Variants in CHFR observed in about 807,000 individuals in gnomAD.
CHFR encodes checkpoint with forkhead and ring finger domains, also known as E3 ubiquitin-protein ligase CHFR.
In CHFR, 57 loss-of-function variants were observed where a neutral mutation model predicts 87.6. The ratio of observed to expected loss-of-function variants is 0.65; its 90% CI spans 0.53 to 0.81. The LOEUF (loss-of-function observed/expected upper bound fraction) is 0.81, where lower values mean the gene tolerates loss of function less well. CHFR is among the 30% of genes least tolerant of loss of function. The pLI is 0.00. For synonymous variants in CHFR, 381 were observed against 359.2 expected (o/e 1.06, Z -0.69); for missense variants, 797 against 865.8 (o/e 0.92, Z 1.00).
rs190044764 is a variant in CHFR at position 132,836,740 on chromosome 12, G to C, written c.*4814C>G. The C allele has an allele frequency of 8.8e-6, 4 of 455,976 alleles. No individual in the cohort carries two copies. Among genetic ancestry groups the C allele is most frequent in the African/African-American group, 8.0e-5 (4 of 50,076 alleles). 28.2% of individuals were successfully genotyped at this position (455,976 alleles called of 1,614,324 possible). On this transcript the variant is annotated 3_prime_UTR_variant, in exon 18 of 18. Transcript: ENST00000450056. The stretch of plus-strand genomic sequence containing the variant: ...AAGGAGACAACCGTGAAAAGTGAGC[G>C]ACAGAGGAAGGGGCGCCTGTTTGTG...
At chr12:132,866,367 A>G (rs1951336603) in intron 6 of CHFR, 1 of 152,202 alleles carries the variant, frequency 6.6e-6, no homozygotes, top group Non-Finnish European at 1.5e-5. Flanking sequence ...GTTACAACAC[A>G]CCAACACACC....
rs187999239 is a variant in CHFR at position 132,853,371 on chromosome 12, C to T, written c.1372+60G>A. 1.1e-4 allele frequency: 154 copies of T among 1,420,266 alleles called. 2 individuals are homozygous for T. Among genetic ancestry groups the T allele is most frequent in the South Asian group, 1.0e-3 (66 of 63,756 alleles). The allele number at this position is 1,420,266 out of a possible 1,614,324, so 88.0% of individuals were successfully genotyped here. On this transcript the variant is annotated intron_variant, in intron 11 of 17. Transcript: ENST00000450056. ...GAGCGCGGCCACGTGCACGTCAGCA[C>T]CGGGCACAGCCACAAAGTGACTCAC...
intron 11 of CHFR, among the ~76,000 whole-genome samples, chr12:132,852,430 G>A (rs187057600): frequency 4.2e-5 from 6 of 141,878 alleles, no homozygotes; most frequent in Admixed American, 1.5e-4. Context: ...GGACAGCCAC[G>A]GTGCACAAGA....
At position 132,861,460 on chromosome 12, in the gene CHFR, C is replaced by T. The variant is rs2136982418; in HGVS notation, c.751+7G>A. ...AGGACTGAGGACACACACAACCAGA[C>T]ACTAACCTCCTCTCATTTTCTTCTT... On this transcript the variant is annotated splice_region_variant and intron_variant, in intron 7 of 17. Transcript: ENST00000450056. The T allele has an allele frequency of 6.2e-7, 1 of 1,613,882 alleles. No homozygotes were observed. Among genetic ancestry groups the T allele is most frequent in the South Asian group, 1.1e-5 (1 of 91,060 alleles).
intron 15 of CHFR, among the ~76,000 whole-genome samples, chr12:132,845,411 T>A (rs959502647): frequency 6.6e-6 from 1 of 151,868 alleles, no homozygotes; most frequent in Non-Finnish European, 1.5e-5. Flanking sequence ...GGAGCTGAGA[T>A]TGTGCCATTG....
chr12:132,837,107 G>C lies in CHFR; in HGVS notation c.*4447C>G, dbSNP rs1284480318. ...TGTGAGAATTAGCTGGTTCGGTGGA[G>C]AAGCAGAGGAACACCTGAGGGGCTC... On this transcript the variant is annotated 3_prime_UTR_variant, in exon 18 of 18. Transcript: ENST00000450056. 2 of 312,616 alleles carry C rather than the reference G, an allele frequency of 6.4e-6. No individual in the cohort carries two copies. The highest frequency in any genetic ancestry group is 4.4e-5 in the African/African-American group (2 of 45,300). The allele number at this position is 312,616 out of a possible 1,614,324, so 19.4% of individuals were successfully genotyped here.
At chr12:132,846,711 T>C (rs1475224907) in intron 15 of CHFR, among the ~76,000 whole-genome samples, 2 of 152,072 alleles carry the variant, frequency 1.3e-5, no homozygotes, top group Non-Finnish European at 2.9e-5. Context: ...GGAAACCCCA[T>C]CTTTACTAAA....
At chr12:132,876,193 A>G (rs1005163520) in intron 3 of CHFR, among the ~76,000 whole-genome samples, 1 of 152,154 alleles carries the variant, frequency 6.6e-6, no homozygotes, top group Admixed American at 6.6e-5. Flanking sequence ...AAAGAAAGAA[A>G]GAAAAAAGCT....
At position 132,859,112 on chromosome 12, in the gene CHFR, C is replaced by T. The variant is rs775799321; in HGVS notation, c.867G>A (p.Thr289=). The T allele has an allele frequency of 5.0e-6, 8 of 1,614,072 alleles. No homozygotes were observed. The highest frequency in any genetic ancestry group is 1.1e-5 in the South Asian group (1 of 91,062). Residue 289 remains threonine (T), a synonymous_variant, in exon 8 of 18, where the codon ACG becomes ACA. Coordinates refer to ENST00000450056, the MANE Select transcript of CHFR (RefSeq NM_001161346.2). ...GGTCCTGGCAGATGATGCATGTCAG[C>T]GTCTCCTCCATCTTGTCTGGCTTCC... ...AAGKPDKMEE[T]LTCIICQDLL...
chr12:132,881,488 CA>C (rs1298566736), intron 2 of CHFR, among the ~76,000 whole-genome samples: 3 of 152,098 alleles, frequency 2.0e-5, no homozygotes, highest in South Asian at 2.1e-4. Flanking sequence ...AAGCACATGA[CA>C]AAATGCTCAA....
At chr12:132,864,405 A>T (rs910377219) in intron 6 of CHFR, among the ~76,000 whole-genome samples, 17 of 152,378 alleles carry the variant, frequency 1.1e-4, no homozygotes, top group Middle Eastern at 3.4e-3. Context: ...CACATTTAGT[A>T]GCTGCTCAAT....
chr12:132,847,086 G>C lies in CHFR; in HGVS notation c.1692C>G (p.Thr564=), dbSNP rs749821203. 2 of 1,613,664 alleles carry C rather than the reference G, an allele frequency of 1.2e-6. No homozygotes were observed. Among genetic ancestry groups the C allele is most frequent in the Non-Finnish European group, 8.5e-7 (1 of 1,179,834 alleles). The change falls in exon 15 of 18, where the codon ACC becomes ACG. Residue 564 remains threonine (T), a synonymous_variant. Coordinates refer to ENST00000450056, the MANE Select transcript of CHFR (RefSeq NM_001161346.2). ...CCCGCTGGAGAGCCACGAGGCTCTC[G>C]GTCAACATGTTTTTCCATGTCAAAC... The part of the protein sequence containing the change: ...TRGLTWKNML[T]ESLVALQRGV...
Position 132,869,758 on chromosome 12 carries a change from C to G in CHFR, c.444G>C (p.Arg148=). The G allele has an allele frequency of 6.4e-7, 1 of 1,551,468 alleles. No individual in the cohort carries two copies. The highest frequency in any genetic ancestry group is 8.7e-7 in the Non-Finnish European group (1 of 1,146,972). The stretch of plus-strand genomic sequence containing the variant: ...GAGTGGCGGGCGACGACGGAGGGAC[C>G]CGGGGATCGGCCCCTCGCCCTGCAC... The part of the protein sequence containing the change: ...GAGAGRGADP[R]VPPSSPATQV... The change falls in exon 6 of 18, where the codon CGG becomes CGC. Residue 148 remains arginine (R), a synonymous_variant. Transcript: ENST00000450056.
At position 132,857,815 on chromosome 12, in the gene CHFR, C is replaced by A. The variant is rs562486246; in HGVS notation, c.912-256G>T. ...AACAGAGACAGCAAGTGTTTCTGGC[C>A]CAGAAGTTGGAAGGTTGTCACTCTT... On this transcript the variant is annotated intron_variant, in intron 8 of 17. Transcript: ENST00000450056. Among the ~76,000 whole-genome samples the A allele has an allele frequency of 7.6e-4, 116 of 152,154 alleles. 1 individual carries two copies. The highest frequency in any genetic ancestry group is 1.4e-3 in the Non-Finnish European group (94 of 68,026).
At chr12:132,859,357 C>T in intron 7 of CHFR, 130 bp from the exon 8 acceptor site, 2 of 818,616 alleles carry the variant, frequency 2.4e-6, no homozygotes, top group Non-Finnish European at 3.7e-6. Context: ...TACATGCAGT[C>T]TTTTTTTTTT....
chr12:132,861,578 C>T lies in CHFR; in HGVS notation c.640G>A (p.Glu214Lys), dbSNP rs374107669. ...KGSGPSVASD[E>K]VSSFASALPD... ...AGAGCTGAGGCAAAGCTGGAGACTTCATCACTTGCCACAGAGGGACCACTT... is the reference window on the plus strand; with the variant it reads ...AGAGCTGAGGCAAAGCTGGAGACTTTATCACTTGCCACAGAGGGACCACTT... The change falls in exon 7 of 18, where the codon GAA becomes AAA. Residue 214 changes from glutamate to lysine, a missense_variant. Glu to Lys is a moderately conservative substitution (Grantham distance 56). Around this residue, in one of 2 missense-constraint regions of CHFR, gnomAD observed 597 missense variants for 601.2 expected, o/e 0.99. Transcript: ENST00000450056. The T allele has an allele frequency of 1.2e-6, 2 of 1,614,086 alleles. No homozygotes were observed. Among genetic ancestry groups the T allele is most frequent in the Non-Finnish European group, 8.5e-7 (1 of 1,180,044 alleles).
intron 14 of CHFR, 63 bp from the exon 15 acceptor site, chr12:132,847,193 C>T (rs930342135): frequency 2.4e-5 from 39 of 1,599,404 alleles, no homozygotes; most frequent in Non-Finnish European, 2.6e-5. Context: ...ACTGAAATAA[C>T]GAGAGAAAAC....
chr12:132,841,671 C>G (rs1361480041), intron 17 of CHFR, 75 bp from the exon 18 acceptor site: 9 of 1,205,104 alleles, frequency 7.5e-6, no homozygotes, highest in Middle Eastern at 1.9e-4. Context: ...AACAGAGCAT[C>G]AGAAAGGCAT....
chr12:132,874,851 G>A (rs1214446023), intron 3 of CHFR, among the ~76,000 whole-genome samples: 3 of 146,234 alleles, frequency 2.1e-5, no homozygotes, highest in Non-Finnish European at 4.5e-5. Flanking sequence ...ACCCAGTGCA[G>A]GGAACCCAGG....
Sources: allele counts gnomAD v4.1 joint callset (sites outside exome capture counted in the v4.1 genomes callset), GRCh38; gene constraint gnomAD v4.1.1; regional missense constraint gnomAD v4.1.1; transcripts MANE v1.5; gene names NCBI Gene and HGNC (gene_info 2026-07-23, HGNC 2026-07-21).